Variants in ITGAX observed in about 807,000 individuals in gnomAD.
ITGAX encodes integrin alpha-X.
Under a neutral mutation model 140.2 loss-of-function variants are expected in ITGAX, and 99 were observed. The ratio of observed to expected loss-of-function variants is 0.71; its 90% CI spans 0.60 to 0.83. ITGAX has a LOEUF of 0.83. Among genes scored for constraint, ITGAX ranks in the 40% least tolerant of loss-of-function variants. ITGAX has a pLI of 0.00. For missense variants in ITGAX, 1,444 were observed against 1,482.0 expected (o/e 0.97, Z 0.42); for synonymous variants, 631 against 600.4 (o/e 1.05, Z -0.75).
Position 31,362,164 on chromosome 16 carries a change from C to G in ITGAX, c.1176C>G (p.Asn392Lys), listed in dbSNP as rs1235521154. Residue 392 changes from asparagine to lysine, a missense_variant, in exon 11 of 30, where the codon AAC becomes AAG. Physicochemically the swap from Asn to Lys is moderately conservative, Grantham distance 94. Transcript: ENST00000268296. ...YPPNMSPTFI[N>K]MSQENVDMRD... Reference sequence around the variant, plus strand: ...CAAATATGAGCCCTACCTTCATCAACATGTCTCAGGAGAATGTGGACATGA... The same window carrying G: ...CAAATATGAGCCCTACCTTCATCAAGATGTCTCAGGAGAATGTGGACATGA... 2 of 1,614,092 alleles carry G rather than the reference C, an allele frequency of 1.2e-6. No individual in the cohort carries two copies. The highest frequency in any genetic ancestry group is 2.7e-5 in the African/African-American group (2 of 75,006).
chr16:31,362,551 G>C, intron 11 of ITGAX, 60 bp from the exon 12 acceptor site: 3 of 1,548,378 alleles, frequency 1.9e-6, no homozygotes, highest in Non-Finnish European at 2.6e-6. Context: ...CCCGGGGTGG[G>C]GGTCCAGGGT....
intron 6 of ITGAX, 31 bp from the exon 7 acceptor site, chr16:31,359,889 C>T (rs1203856509): frequency 2.5e-6 from 4 of 1,613,844 alleles, no homozygotes; most frequent in Non-Finnish European, 3.4e-6. Context: ...GGTGAAATGG[C>T]CTCAGCCCCA....
At chr16:31,380,168 A>T (rs2081055509) in intron 26 of ITGAX, 98 bp from the exon 27 acceptor site, 2 of 1,523,006 alleles carry the variant, frequency 1.3e-6, no homozygotes, top group Non-Finnish European at 1.8e-6. Context: ...ACCCTCTTGC[A>T]TTCGGATATG....
rs2080812116 is a variant in ITGAX, at chr16:31,360,469, G to A, written c.861+6G>A. ...TCATCCGCTATGCAATTGGGGTAGG[G>A]CGTGGGATGGCTTCCCACTTCTCCC... is the stretch of plus-strand genomic sequence containing the variant. On this transcript the variant is annotated splice_donor_region_variant and intron_variant, in intron 8 of 29. Coordinates refer to ENST00000268296, the MANE Select transcript of ITGAX (RefSeq NM_000887.5). The A allele has an allele frequency of 6.3e-7, 1 of 1,595,790 alleles. No homozygotes were observed. Among genetic ancestry groups the A allele is most frequent in the African/African-American group, 1.3e-5 (1 of 74,130 alleles).
At chr16:31,374,287 TA>T (rs111307476) in intron 20 of ITGAX, among the ~76,000 whole-genome samples, 14 of 148,716 alleles carry the variant, frequency 9.4e-5, no homozygotes, top group South Asian at 2.1e-4. Context: ...AGACTCTGTC[TA>T]AAAAAAAAAA....
chr16:31,372,270 T>C, intron 17 of ITGAX, 108 bp from the exon 18 acceptor site: 1 of 1,361,688 alleles, frequency 7.3e-7, no homozygotes, highest in Non-Finnish European at 9.9e-7. Flanking sequence ...TGGAGGAAGC[T>C]GAAGCCGCGC....
chr16:31,355,825 C>G (rs750359951), intron 1 of ITGAX, 68 bp from the exon 2 acceptor site: 4 of 1,249,690 alleles, frequency 3.2e-6, no homozygotes, highest in African/African-American at 1.5e-5. Context: ...ACGCTGGGGC[C>G]GGGGGTGGAG....
chr16:31,372,402 C>G lies in ITGAX; in HGVS notation c.2185C>G (p.Pro729Ala), dbSNP rs748854924. ...GAGCTGCGTGGAGGACTCTGTGACCCCCATTACCTTGCGTCTGAACTTCAC... is the reference window on the plus strand; with the variant it reads ...GAGCTGCGTGGAGGACTCTGTGACCGCCATTACCTTGCGTCTGAACTTCAC... ...LPSCVEDSVT[P>A]ITLRLNFTLV... The change falls in exon 18 of 30, where the codon CCC becomes GCC. Residue 729 changes from proline to alanine, a missense_variant. Pro to Ala is a conservative substitution (Grantham distance 27). Transcript: ENST00000268296. The G allele has an allele frequency of 2.5e-6, 4 of 1,608,870 alleles. No individual in the cohort carries two copies. The highest frequency in any genetic ancestry group is 8.5e-7 in the Non-Finnish European group (1 of 1,178,718).
intron 14 of ITGAX, among the ~76,000 whole-genome samples, chr16:31,363,855 G>A (rs761642643): frequency 3.9e-5 from 6 of 152,182 alleles, no homozygotes; most frequent in Admixed American, 1.3e-4. Flanking sequence ...TTCAGAGTGG[G>A]TCCGAGATGG....
intron 19 of ITGAX, 70 bp from the exon 20 acceptor site, chr16:31,373,179 C>A: frequency 8.7e-7 from 1 of 1,147,142 alleles, no homozygotes. Context: ...CCACCCACCC[C>A]ATTTTATCCC....
rs201655601 is a variant in ITGAX at position 31,371,192 on chromosome 16, C to G, written c.1819C>G (p.Arg607Gly). 2 of 1,610,328 alleles carry G rather than the reference C, an allele frequency of 1.2e-6. No individual in the cohort carries two copies. Among genetic ancestry groups the G allele is most frequent in the Non-Finnish European group, 1.7e-6 (2 of 1,178,292 alleles). Residue 607 changes from arginine (R) to glycine (G), a missense_variant, in exon 15 of 30, where the codon CGG becomes GGG. Transcript: ENST00000268296. ...ACTGGTGGACCTGGCTGTGGGGGCC[C>G]GGGGCCAGGTGCTCCTGCTCAGGTG... ...DGLVDLAVGA[R>G]GQVLLLRTRP...
At chr16:31,381,047 G>C in intron 29 of ITGAX, 40 bp downstream of exon 29, 1 of 1,511,958 alleles carries the variant, frequency 6.6e-7, no homozygotes, top group Non-Finnish European at 9.2e-7. Context: ...CCAGCATCTG[G>C]TCCCGCTCTT....
chr16:31,382,484 G>A lies in ITGAX; in HGVS notation c.*577G>A. ...CTTCAACAGCTCCCCATTACCCTCAGGACAATGTCTGAACTCTCCAGCTTC... is the reference window on the plus strand; with the variant it reads ...CTTCAACAGCTCCCCATTACCCTCAAGACAATGTCTGAACTCTCCAGCTTC... On this transcript the variant is annotated 3_prime_UTR_variant, in exon 30 of 30. Coordinates refer to ENST00000268296, the MANE Select transcript of ITGAX (RefSeq NM_000887.5). 6.6e-7 allele frequency: 1 copy of A among 1,519,144 alleles called. No individual in the cohort carries two copies. Among genetic ancestry groups the A allele is most frequent in the South Asian group, 1.2e-5 (1 of 83,730 alleles). The allele number at this position is 1,519,144 out of a possible 1,614,324, so 94.1% of individuals were successfully genotyped here. A position where few individuals can be genotyped will look rare whatever the true frequency, so the allele number is the denominator to read the frequency against.
At position 31,382,476 on chromosome 16, in the gene ITGAX, T is replaced by G; in HGVS notation, c.*569T>G. The G allele has an allele frequency of 6.6e-7, 1 of 1,523,338 alleles. No homozygotes were observed. Among genetic ancestry groups the G allele is most frequent in the Non-Finnish European group, 8.8e-7 (1 of 1,135,240 alleles). The allele number at this position is 1,523,338 out of a possible 1,614,324, so 94.4% of individuals were successfully genotyped here. On this transcript the variant is annotated 3_prime_UTR_variant, in exon 30 of 30. Coordinates refer to ENST00000268296, the MANE Select transcript of ITGAX (RefSeq NM_000887.5). ...CCACCTGTCTTCAACAGCTCCCCAT[T>G]ACCCTCAGGACAATGTCTGAACTCT...
intron 23 of ITGAX, among the ~76,000 whole-genome samples, chr16:31,378,594 C>T (rs1210835013): frequency 6.6e-6 from 1 of 151,838 alleles, no homozygotes; most frequent in African/African-American, 2.4e-5. Flanking sequence ...CTCAGCCTCC[C>T]AAGTAGTTGA....
chr16:31,359,456 G>A (rs535072030), intron 5 of ITGAX, among the ~76,000 whole-genome samples: 126 of 152,248 alleles, frequency 8.3e-4, no homozygotes, highest in South Asian at 7.5e-3. Context: ...GAGCCACCAC[G>A]CCTGGCTCAT....
At chr16:31,381,421 C>T (rs1405936696) in intron 29 of ITGAX, among the ~76,000 whole-genome samples, 7 of 152,188 alleles carry the variant, frequency 4.6e-5, no homozygotes, top group Admixed American at 6.5e-5. Flanking sequence ...AGGCTGGGCA[C>T]GGTGGCTCAT....
At position 31,371,644 on chromosome 16, in the gene ITGAX, T is replaced by C; in HGVS notation, c.2020T>C (p.Ser674Pro). 1 of 1,613,968 alleles carries C rather than the reference T, an allele frequency of 6.2e-7. No homozygotes were observed. The highest frequency in any genetic ancestry group is 8.5e-7 in the Non-Finnish European group (1 of 1,179,992). ...NLLGSRDLQS[S>P]VTLDLALDPG... ...ACCGCCTACAGGTGACCTCCAAAGC[T>C]CTGTGACCTTGGACCTGGCCCTCGA... Residue 674 changes from serine to proline, a missense_variant, in exon 17 of 30, where the codon TCT becomes CCT. Physicochemically the swap from Ser to Pro is moderately conservative, Grantham distance 74. Transcript: ENST00000268296.
intron 14 of ITGAX, among the ~76,000 whole-genome samples, chr16:31,368,515 G>A (rs987157915): frequency 6.2e-5 from 8 of 129,014 alleles, no homozygotes; most frequent in South Asian, 2.5e-4. Context: ...AAAAAAAAAA[G>A]AATATTATAT....
Sources: allele counts gnomAD v4.1 joint callset (sites outside exome capture counted in the v4.1 genomes callset), GRCh38; gene constraint gnomAD v4.1.1; transcripts MANE v1.5; gene names NCBI Gene and HGNC (gene_info 2026-07-23, HGNC 2026-07-21).